CCSER1: variants seen among roughly 807,000 people sequenced by gnomAD.
CCSER1 encodes coiled-coil serine rich protein 1.
In CCSER1, 41 loss-of-function variants were observed where a neutral mutation model predicts 82.0. That is an observed-to-expected ratio of 0.50 (90% confidence interval 0.39 to 0.65). The LOEUF (loss-of-function observed/expected upper bound fraction) is 0.65, where lower values mean the gene tolerates loss of function less well. Among genes scored for constraint, CCSER1 ranks in the 30% least tolerant of loss-of-function variants. The probability of loss-of-function intolerance (pLI) is 0.00; values close to 1 mark genes in which losing one functional copy is unlikely to be tolerated. For synonymous variants in CCSER1, 414 were observed against 383.9 expected (o/e 1.08, Z -0.92); for missense variants, 1,119 against 1,064.2 (o/e 1.05, Z -0.72).
chr4:91,399,485 T>G (rs1752191950), intron 10 of CCSER1, among the ~76,000 whole-genome samples: 1 of 152,042 alleles, frequency 6.6e-6, no homozygotes, highest in South Asian at 2.1e-4. Context: ...ATTTTATGCC[T>G]GTCTTCAGAG....
Position 90,877,505 on chromosome 4 carries a change from A to T in CCSER1, c.2095-45865A>T, listed in dbSNP as rs542730642. ...CCCTAACTTTACATTCAGTATTCCT[A>T]TTTGCCAGTCGAGGGAACAATACTT... On this transcript the variant is annotated intron_variant, in intron 8 of 10. Coordinates refer to ENST00000509176, the MANE Select transcript of CCSER1 (RefSeq NM_001145065.2). Among the ~76,000 whole-genome samples, 6 of 152,180 alleles carry T rather than the reference A, an allele frequency of 3.9e-5. No homozygotes were observed. In the East Asian group the frequency reaches 1.2e-3, roughly 29 times the overall value.
At chr4:90,845,820 A>AC (rs199985675) in intron 8 of CCSER1, among the ~76,000 whole-genome samples, 1 of 151,896 alleles carries the variant, frequency 6.6e-6, no homozygotes, top group African/African-American at 2.4e-5. Context: ...AAAAAAAAAA[A>AC]CCAGATTTTC....
chr4:90,990,599 CA>C (rs1293155323), intron 9 of CCSER1, among the ~76,000 whole-genome samples: 6 of 151,932 alleles, frequency 3.9e-5, no homozygotes, highest in African/African-American at 1.4e-4. Flanking sequence ...GCCATTCTCT[CA>C]GAATCAGATG....
At chr4:90,268,782 C>T (rs968770988) in intron 1 of CCSER1, among the ~76,000 whole-genome samples, 8 of 151,814 alleles carry the variant, frequency 5.3e-5, no homozygotes, top group African/African-American at 1.5e-4. Context: ...CAAGACCAAA[C>T]GATCTGTTGC....
intron 1 of CCSER1, among the ~76,000 whole-genome samples, chr4:90,144,236 A>T (rs1578174338): frequency 6.6e-6 from 1 of 152,142 alleles, no homozygotes; most frequent in African/African-American, 2.4e-5. Context: ...AATTATAGCT[A>T]GGTAATGTTT....
At chr4:90,840,445 C>G (rs543607861) in intron 8 of CCSER1, among the ~76,000 whole-genome samples, 1 of 152,172 alleles carries the variant, frequency 6.6e-6, no homozygotes, top group East Asian at 1.9e-4. Context: ...AACTTTCCTA[C>G]ATTATGATTA....
chr4:91,181,833 G>A (rs1458506281), intron 10 of CCSER1, among the ~76,000 whole-genome samples: 1 of 152,192 alleles, frequency 6.6e-6, no homozygotes, highest in South Asian at 2.1e-4. Flanking sequence ...TATAGGAGCA[G>A]ATTTATTATG....
intron 8 of CCSER1, among the ~76,000 whole-genome samples, chr4:90,845,167 C>T (rs545395970): frequency 6.6e-6 from 1 of 151,798 alleles, no homozygotes; most frequent in African/African-American, 2.4e-5. Flanking sequence ...TCGAGACCAT[C>T]GTGGCCAACA....
intron 1 of CCSER1, among the ~76,000 whole-genome samples, chr4:90,250,297 G>C (rs1193904705): frequency 2.0e-5 from 3 of 151,990 alleles, no homozygotes; most frequent in African/African-American, 7.2e-5. Flanking sequence ...AGAAGGTTTT[G>C]TTTAACTCAA....
intron 8 of CCSER1, among the ~76,000 whole-genome samples, chr4:90,826,005 A>G (rs1760385735): frequency 6.6e-6 from 1 of 152,026 alleles, no homozygotes; most frequent in Admixed American, 6.6e-5. Flanking sequence ...ATTGTTTTTT[A>G]TAAGGTACTT....
intron 9 of CCSER1, among the ~76,000 whole-genome samples, chr4:90,925,907 A>G (rs1729000918): frequency 6.6e-6 from 1 of 152,134 alleles, no homozygotes; most frequent in South Asian, 2.1e-4. Context: ...AACTTATGAA[A>G]GTAACTAGAT....
At chr4:90,897,426 A>G (rs1723880350) in intron 8 of CCSER1, among the ~76,000 whole-genome samples, 1 of 152,038 alleles carries the variant, frequency 6.6e-6, no homozygotes, top group South Asian at 2.1e-4. Context: ...CACTTAGGAT[A>G]ATGGCCTCCA....
At chr4:90,343,205 A>G (rs192778475) in intron 3 of CCSER1, among the ~76,000 whole-genome samples, 12 of 152,286 alleles carry the variant, frequency 7.9e-5, no homozygotes, top group Admixed American at 7.8e-4. Context: ...TGCTTATCAA[A>G]GTCATTTATC....
chr4:90,709,538 G>A (rs1382248763), intron 6 of CCSER1, among the ~76,000 whole-genome samples: 1 of 152,028 alleles, frequency 6.6e-6, no homozygotes, highest in Non-Finnish European at 1.5e-5. Context: ...TACAGTATTT[G>A]GTTTTCTGTT....
chr4:90,987,820 G>A, intron 9 of CCSER1, among the ~76,000 whole-genome samples: 1 of 151,618 alleles, frequency 6.6e-6, no homozygotes. Flanking sequence ...AGCTTAATAA[G>A]TACTGCTGTA....
At chr4:91,348,867 A>T (rs910158092) in intron 10 of CCSER1, among the ~76,000 whole-genome samples, 1 of 152,046 alleles carries the variant, frequency 6.6e-6, no homozygotes, top group Admixed American at 6.6e-5. Flanking sequence ...TAGAGGTTGA[A>T]ACAGATTTTG....
intron 6 of CCSER1, among the ~76,000 whole-genome samples, chr4:90,658,603 T>C (rs1730156913): frequency 6.6e-6 from 1 of 152,202 alleles, no homozygotes; most frequent in Non-Finnish European, 1.5e-5. Flanking sequence ...AAATGTTACA[T>C]TTGCCTTTGT....
chr4:90,159,802 A>T (rs1033968303), intron 1 of CCSER1, among the ~76,000 whole-genome samples: 2 of 152,126 alleles, frequency 1.3e-5, no homozygotes, highest in Admixed American at 1.3e-4. Flanking sequence ...AGATTGACAT[A>T]TTTTGCCATA....
chr4:90,838,580 A>T (rs1762114266), intron 8 of CCSER1, among the ~76,000 whole-genome samples: 1 of 151,148 alleles, frequency 6.6e-6, no homozygotes, highest in African/African-American at 2.4e-5. Context: ...TGGCACTCTG[A>T]TTAAACTGCA....
Sources: allele counts gnomAD v4.1 joint callset (sites outside exome capture counted in the v4.1 genomes callset), GRCh38; gene constraint gnomAD v4.1.1; transcripts MANE v1.5; gene names NCBI Gene and HGNC (gene_info 2026-07-23, HGNC 2026-07-21).